SHLD1: variants seen among roughly 807,000 people sequenced by gnomAD.
SHLD1 encodes shieldin complex subunit 1.
In SHLD1, 3 loss-of-function variants were observed where a neutral mutation model predicts 5.5. The ratio of observed to expected loss-of-function variants is 0.54; its 90% CI spans 0.25 to 1.40. The LOEUF (loss-of-function observed/expected upper bound fraction) is 1.40, where lower values mean the gene tolerates loss of function less well. SHLD1 is among the 40% of genes most tolerant of loss of function. The pLI is 0.15. For synonymous variants in SHLD1, 92 were observed against 94.3 expected (o/e 0.98, Z 0.14); for missense variants, 210 against 244.4 (o/e 0.86, Z 0.94).
rs146484045 is a variant in SHLD1 at position 5,837,306 on chromosome 20, C to T, written c.179-25718C>T. Among the ~76,000 whole-genome samples, 62 of 152,174 alleles carry T rather than the reference C, an allele frequency of 4.1e-4. 1 individual carries two copies. Among genetic ancestry groups the T allele is most frequent in the Middle Eastern group, 6.8e-3 (2 of 294 alleles). On this transcript the variant is annotated intron_variant, in intron 2 of 2. Transcript: ENST00000303142. Reference sequence around the variant, plus strand: ...ACTCTCCAAAACCTTTTTTTTCTTCCGCTTTTATTGTAAGCTCAGGGTTAC... The same window carrying T: ...ACTCTCCAAAACCTTTTTTTTCTTCTGCTTTTATTGTAAGCTCAGGGTTAC...
intron 2 of SHLD1, among the ~76,000 whole-genome samples, chr20:5,804,307 A>G (rs55764140): frequency 2.0e-5 from 3 of 151,508 alleles, no homozygotes; most frequent in Non-Finnish European, 4.4e-5. Context: ...GTCTTTGTAT[A>G]TATATATAGT....
chr20:5,817,468 G>GTGTA lies in SHLD1; in HGVS notation c.178+44428_178+44429insATGT, dbSNP rs759825275. On this transcript the variant is annotated intron_variant, in intron 2 of 2. Coordinates refer to ENST00000303142, the MANE Select transcript of SHLD1 (RefSeq NM_152504.4). ...TGTGTGTGTGTGTGTGTGTGTGTGT[G>GTGTA]TGTGTTGGGATTACAGGCGTGAGCC... is the stretch of plus-strand genomic sequence containing the variant. 2.0e-3 allele frequency among the ~76,000 whole-genome samples: 255 copies of GTGTA among 130,014 alleles called. 2 individuals are homozygous for GTGTA. Among genetic ancestry groups the GTGTA allele is most frequent in the East Asian group, 5.3e-3 (22 of 4,134 alleles). 85.3% of individuals were successfully genotyped at this position (130,014 alleles called of 152,430 possible).
chr20:5,820,232 CA>C (rs1335696690), intron 2 of SHLD1, among the ~76,000 whole-genome samples: 1 of 152,250 alleles, frequency 6.6e-6, no homozygotes, highest in African/African-American at 2.4e-5. Context: ...AGGCGTGAGC[CA>C]CCATGCCCAG....
At chr20:5,784,998 G>A (rs1413178609) in intron 2 of SHLD1, among the ~76,000 whole-genome samples, 1 of 152,178 alleles carries the variant, frequency 6.6e-6, no homozygotes, top group African/African-American at 2.4e-5. Context: ...GTGACCTCAT[G>A]TTCTGGCCTG....
At chr20:5,779,168 C>T (rs1482657692) in intron 2 of SHLD1, among the ~76,000 whole-genome samples, 1 of 150,588 alleles carries the variant, frequency 6.6e-6, no homozygotes, top group Admixed American at 6.6e-5. Flanking sequence ...CACTACTGCA[C>T]TCTAGTCTGG....
At chr20:5,838,808 T>C (rs1486530807) in intron 2 of SHLD1, among the ~76,000 whole-genome samples, 1 of 152,202 alleles carries the variant, frequency 6.6e-6, no homozygotes, top group Non-Finnish European at 1.5e-5. Context: ...AAATAAAAGA[T>C]AAATTTTAAG....
At chr20:5,770,004 CAAAAAAAAAAA>C (rs113692130) in intron 1 of SHLD1, among the ~76,000 whole-genome samples, 7 of 55,086 alleles carry the variant, frequency 1.3e-4, no homozygotes, top group Non-Finnish European at 2.4e-4. Context: ...AACTCCTTCT[CAAAAAAAAAAA>C]AAAAAAAAAA....
intron 2 of SHLD1, among the ~76,000 whole-genome samples, chr20:5,850,557 T>C (rs529512379): frequency 1.3e-5 from 2 of 149,496 alleles, no homozygotes; most frequent in East Asian, 3.9e-4. Context: ...GTCGCCCAAG[T>C]GGGAGTGCAG....
chr20:5,845,652 G>T (rs1176943020), intron 2 of SHLD1, among the ~76,000 whole-genome samples: 3 of 152,170 alleles, frequency 2.0e-5, no homozygotes, highest in African/African-American at 7.2e-5. Flanking sequence ...ATTTTCTTTT[G>T]TAGACAAACC....
intron 2 of SHLD1, among the ~76,000 whole-genome samples, chr20:5,782,489 A>C (rs1483611397): frequency 6.6e-6 from 1 of 152,206 alleles, no homozygotes; most frequent in East Asian, 1.9e-4. Context: ...GATGTAGGAA[A>C]TATCAGCCCT....
chr20:5,842,215 T>TA (rs2087872292), intron 2 of SHLD1, among the ~76,000 whole-genome samples: 1 of 152,234 alleles, frequency 6.6e-6, no homozygotes, highest in African/African-American at 2.4e-5. Context: ...GATGTGTCAC[T>TA]AAAGGAATAG....
At chr20:5,754,137 G>T (rs540233626) in intron 1 of SHLD1, among the ~76,000 whole-genome samples, 1 of 152,108 alleles carries the variant, frequency 6.6e-6, no homozygotes. Context: ...TTGAGACAGG[G>T]TCTTGCTCTG....
chr20:5,758,951 GTTTTTTTTTT>G (rs903234621), intron 1 of SHLD1, among the ~76,000 whole-genome samples: 11 of 127,198 alleles, frequency 8.6e-5, no homozygotes, highest in African/African-American at 3.2e-4. Flanking sequence ...TTCTTGACAA[GTTTTTTTTTT>G]TTTTTTTTTC....
chr20:5,762,971 C>CA (rs561487362), intron 1 of SHLD1, among the ~76,000 whole-genome samples: 4,531 of 102,598 alleles, frequency 0.044, 125 homozygotes, highest in African/African-American at 0.083. Context: ...GACTCCGTCT[C>CA]AAAAAAAAAA....
chr20:5,791,361 C>G (rs2087136855), intron 2 of SHLD1, among the ~76,000 whole-genome samples: 2 of 151,952 alleles, frequency 1.3e-5, no homozygotes, highest in Non-Finnish European at 2.9e-5. Context: ...CCCAGGAGTT[C>G]AAGACCAGTC....
chr20:5,793,163 C>A (rs2087166355), intron 2 of SHLD1, among the ~76,000 whole-genome samples: 1 of 152,160 alleles, frequency 6.6e-6, no homozygotes, highest in African/African-American at 2.4e-5. Context: ...CAGTGCCACA[C>A]TGTTTTGATT....
intron 2 of SHLD1, among the ~76,000 whole-genome samples, chr20:5,805,590 GTGTGT>G (rs570956527): frequency 2.6e-5 from 4 of 151,990 alleles, no homozygotes; most frequent in Non-Finnish European, 5.9e-5. Context: ...GATTAAATTT[GTGTGT>G]TGTGTTGTTT....
chr20:5,817,428 C>CTGTGTGTGTGTGTG (rs1174731545), intron 2 of SHLD1, among the ~76,000 whole-genome samples: 1 of 111,914 alleles, frequency 8.9e-6, no homozygotes, highest in South Asian at 2.7e-4. Context: ...CTCTCTCTCT[C>CTGTGTGTGTGTGTG]TCTCTGTGTG....
At chr20:5,783,623 G>C (rs1348345776) in intron 2 of SHLD1, among the ~76,000 whole-genome samples, 1 of 152,182 alleles carries the variant, frequency 6.6e-6, no homozygotes, top group Admixed American at 6.5e-5. Context: ...AGGCAGCAGT[G>C]AATTTTAATT....
Sources: allele counts gnomAD v4.1 joint callset (sites outside exome capture counted in the v4.1 genomes callset), GRCh38; gene constraint gnomAD v4.1.1; transcripts MANE v1.5; gene names NCBI Gene and HGNC (gene_info 2026-07-23, HGNC 2026-07-21).